Variants in NKAIN2 observed in about 807,000 individuals in gnomAD.
NKAIN2 encodes sodium/potassium-transporting ATPase subunit beta-1-interacting protein 2.
In NKAIN2, 14 loss-of-function variants were observed where a neutral mutation model predicts 32.6. The ratio of observed to expected loss-of-function variants is 0.43; its 90% CI spans 0.28 to 0.67. The LOEUF is 0.67. Among genes scored for constraint, NKAIN2 ranks in the 30% least tolerant of loss-of-function variants. NKAIN2 has a pLI of 0.17. For synonymous variants in NKAIN2, 80 were observed against 87.2 expected (o/e 0.92, Z 0.46); for missense variants, 198 against 258.3 (o/e 0.77, Z 1.60).
intron 1 of NKAIN2, among the ~76,000 whole-genome samples, chr6:124,246,062 C>T (rs112144873): frequency 1.8e-4 from 27 of 152,064 alleles, no homozygotes; most frequent in African/African-American, 5.3e-4. Flanking sequence ...CATTCAGCAC[C>T]CCTCCTCAAA....
intron 4 of NKAIN2, among the ~76,000 whole-genome samples, chr6:124,667,578 A>G (rs1008229903): frequency 1.3e-5 from 2 of 152,110 alleles, no homozygotes; most frequent in African/African-American, 4.8e-5. Context: ...ATTGCCTTTT[A>G]GGATGATTTT....
intron 2 of NKAIN2, among the ~76,000 whole-genome samples, chr6:124,285,468 C>A (rs922243719): frequency 1.2e-4 from 18 of 152,122 alleles, no homozygotes; most frequent in African/African-American, 4.3e-4. Context: ...ATTGTTCTGG[C>A]AGTAAATTCC....
At chr6:123,956,935 T>C (rs1435329092) in intron 1 of NKAIN2, among the ~76,000 whole-genome samples, 1 of 152,226 alleles carries the variant, frequency 6.6e-6, no homozygotes, top group Non-Finnish European at 1.5e-5. Context: ...ATTTATTAAC[T>C]TTTAAGTTCA....
At chr6:124,260,800 A>C (rs1794216417) in intron 1 of NKAIN2, among the ~76,000 whole-genome samples, 1 of 152,228 alleles carries the variant, frequency 6.6e-6, no homozygotes, top group African/African-American at 2.4e-5. Flanking sequence ...GCTATTGTAG[A>C]GAAAATTTTG....
chr6:124,050,519 G>T (rs566171984), intron 1 of NKAIN2, among the ~76,000 whole-genome samples: 2 of 151,876 alleles, frequency 1.3e-5, no homozygotes, highest in Non-Finnish European at 2.9e-5. Flanking sequence ...CTTCAGCCTG[G>T]CTTGGGGCTC....
intron 1 of NKAIN2, among the ~76,000 whole-genome samples, chr6:124,002,780 C>T (rs905590124): frequency 6.6e-6 from 1 of 152,116 alleles, no homozygotes; most frequent in Non-Finnish European, 1.5e-5. Context: ...GCTGACAACC[C>T]TTGCAGTATT....
chr6:124,731,738 A>G (rs935579159), intron 4 of NKAIN2, among the ~76,000 whole-genome samples: 6 of 152,024 alleles, frequency 3.9e-5, no homozygotes, highest in African/African-American at 1.4e-4. Context: ...TGGAAGTTTC[A>G]TGAAAATAGA....
chr6:124,133,483 C>A (rs939975945), intron 1 of NKAIN2, among the ~76,000 whole-genome samples: 1 of 152,146 alleles, frequency 6.6e-6, no homozygotes, highest in Non-Finnish European at 1.5e-5. Context: ...GGACCTCGGC[C>A]CACTGTTAGA....
intron 4 of NKAIN2, among the ~76,000 whole-genome samples, chr6:124,676,669 A>G (rs1357560713): frequency 6.6e-6 from 1 of 152,096 alleles, no homozygotes; most frequent in Non-Finnish European, 1.5e-5. Context: ...GCACAATCAT[A>G]GCTTACTGCA....
intron 3 of NKAIN2, among the ~76,000 whole-genome samples, chr6:124,393,715 T>C (rs987931268): frequency 2.6e-5 from 4 of 152,144 alleles, no homozygotes; most frequent in African/African-American, 9.7e-5. Context: ...GCAGCTACTG[T>C]CAGTTCCACC....
chr6:123,853,681 A>G (rs903967985), intron 1 of NKAIN2, among the ~76,000 whole-genome samples: 1 of 152,178 alleles, frequency 6.6e-6, no homozygotes, highest in Non-Finnish European at 1.5e-5. Flanking sequence ...GGGGGATGAT[A>G]TAGAAAAATC....
At chr6:124,627,494 G>C (rs1474737857) in intron 3 of NKAIN2, among the ~76,000 whole-genome samples, 2 of 152,074 alleles carry the variant, frequency 1.3e-5, no homozygotes, top group Non-Finnish European at 2.9e-5. Context: ...CAAGTCACTT[G>C]GTTGTTCAGC....
chr6:124,226,278 T>C (rs866185025), intron 1 of NKAIN2, among the ~76,000 whole-genome samples: 92 of 152,072 alleles, frequency 6.0e-4, no homozygotes, highest in African/African-American at 2.2e-3. Flanking sequence ...ATTGATAAGC[T>C]GTAAAAGTAC....
chr6:123,842,091 G>A (rs1774895964), intron 1 of NKAIN2, among the ~76,000 whole-genome samples: 2 of 152,116 alleles, frequency 1.3e-5, no homozygotes, highest in Non-Finnish European at 2.9e-5. Flanking sequence ...ATTTTTCTTT[G>A]TTGTTTCCCT....
chr6:124,603,780 A>G (rs1374769108), intron 3 of NKAIN2, among the ~76,000 whole-genome samples: 1 of 152,002 alleles, frequency 6.6e-6, no homozygotes, highest in South Asian at 2.1e-4. Flanking sequence ...GGGAAAACCC[A>G]GATGTGTAGT....
chr6:124,230,438 A>T (rs555518429), intron 1 of NKAIN2, among the ~76,000 whole-genome samples: 2 of 152,204 alleles, frequency 1.3e-5, no homozygotes, highest in African/African-American at 2.4e-5. Context: ...AGAAATTTGC[A>T]TAAGTGATAA....
At chr6:124,523,342 T>C (rs770421067) in intron 3 of NKAIN2, among the ~76,000 whole-genome samples, 3 of 152,064 alleles carry the variant, frequency 2.0e-5, no homozygotes, top group Non-Finnish European at 4.4e-5. Flanking sequence ...TTTATCACTA[T>C]ACTCCTTTGT....
At chr6:124,010,035 A>C (rs756946045) in intron 1 of NKAIN2, among the ~76,000 whole-genome samples, 4 of 152,126 alleles carry the variant, frequency 2.6e-5, no homozygotes, top group Admixed American at 6.6e-5. Flanking sequence ...AAGTAGCATG[A>C]TCTTGGTTTG....
chr6:123,869,591 C>T (rs1274550558), intron 1 of NKAIN2, among the ~76,000 whole-genome samples: 1 of 152,162 alleles, frequency 6.6e-6, no homozygotes, highest in Non-Finnish European at 1.5e-5. Flanking sequence ...TCTACAGGGA[C>T]ACGTTTGAAG....
Sources: gnomAD v4.1 joint callset for allele counts (sites outside exome capture counted in the v4.1 genomes callset) on GRCh38, gnomAD v4.1.1 for gene constraint, MANE v1.5 for transcripts, NCBI Gene and HGNC (gene_info 2026-07-23, HGNC 2026-07-21) for gene names.